The following STK3 variants were observed in gnomAD, a reference collection of about 807,000 sequenced individuals.
STK3 encodes serine/threonine-protein kinase 3.
A neutral mutation model predicts 58.0 loss-of-function variants in STK3; 41 were observed. The observed-to-expected ratio is 0.71, with a 90% CI of 0.55 to 0.92. STK3 has a LOEUF of 0.92. STK3 is among the 40% of genes least tolerant of loss of function. STK3 has a pLI of 0.00. For missense variants in STK3, 479 were observed against 602.7 expected (o/e 0.79, Z 2.15); for synonymous variants, 170 against 191.0 (o/e 0.89, Z 0.91).
the STK3 span, among the ~76,000 whole-genome samples, chr8:98,361,070 G>A: frequency 1.3e-5 from 2 of 152,126 alleles, no homozygotes; most frequent in African/African-American, 4.8e-5. Context: ...CACTCCTGTA[G>A]ACCCAAAACC....
intron 6 of STK3, among the ~76,000 whole-genome samples, chr8:98,614,135 TAGAC>T (rs776385476): frequency 8.5e-5 from 13 of 152,192 alleles, no homozygotes; most frequent in South Asian, 2.1e-4. Flanking sequence ...ATAAAACAAA[TAGAC>T]AGAAAATCAG....
At chr8:98,928,769 C>T (rs1839901393) in intron 1 of STK3, among the ~76,000 whole-genome samples, 1 of 152,140 alleles carries the variant, frequency 6.6e-6, no homozygotes, top group Non-Finnish European at 1.5e-5. Flanking sequence ...CTGATTCTCC[C>T]CAAAGGAAGC....
intron 1 of STK3, among the ~76,000 whole-genome samples, chr8:98,920,923 C>T (rs1005834556): frequency 6.6e-6 from 1 of 152,226 alleles, no homozygotes; most frequent in Non-Finnish European, 1.5e-5. Flanking sequence ...ACAAAAAAGC[C>T]TAATTGTAAT....
chr8:98,742,155 A>G (rs1472498662), intron 4 of STK3, among the ~76,000 whole-genome samples: 2 of 151,918 alleles, frequency 1.3e-5, no homozygotes, highest in Admixed American at 6.6e-5. Flanking sequence ...CAGAGGTACA[A>G]GGAGGAACTG....
intron 8 of STK3, among the ~76,000 whole-genome samples, chr8:98,550,790 T>C (rs912926218): frequency 7.2e-5 from 11 of 152,146 alleles, no homozygotes; most frequent in Admixed American, 7.2e-4. Context: ...CTCCAAAGAT[T>C]GATGATTAAA....
rs1840385852 is a variant in STK3, at chr8:98,940,724, C to T, written c.-79+1654G>A. Among the ~76,000 whole-genome samples the T allele has an allele frequency of 2.0e-5, 3 of 152,190 alleles. No homozygotes were observed. In the South Asian group the frequency reaches 6.2e-4, roughly 32 times the overall value. On this transcript the variant is annotated intron_variant, in intron 1 of 1. Transcript: ENST00000519420. Reference sequence around the variant, plus strand: ...GAATCTGCGCCGCCCCGCACGCGACCGCCTGCGAACTCCCTGCGCTGGGGT... The same window carrying T: ...GAATCTGCGCCGCCCCGCACGCGACTGCCTGCGAACTCCCTGCGCTGGGGT...
chr8:98,867,855 C>T (rs1837201608), intron 3 of STK3, among the ~76,000 whole-genome samples: 2 of 152,212 alleles, frequency 1.3e-5, no homozygotes, highest in South Asian at 4.1e-4. Flanking sequence ...AGGACAGTGC[C>T]AGGCCTATAA....
intron 3 of STK3, among the ~76,000 whole-genome samples, chr8:98,405,427 G>T (rs1010563872): frequency 6.6e-6 from 1 of 152,200 alleles, no homozygotes; most frequent in African/African-American, 2.4e-5. Flanking sequence ...GGTGGTGGTG[G>T]TAATATTGTT....
downstream of STK3, among the ~76,000 whole-genome samples, chr8:98,396,628 A>G (rs1056320972): frequency 3.9e-5 from 6 of 152,222 alleles, no homozygotes; most frequent in Non-Finnish European, 5.9e-5. Flanking sequence ...TGTTCTGCCA[A>G]TCCAGGCCTT....
chr8:98,708,503 A>G (rs891572953), intron 4 of STK3, among the ~76,000 whole-genome samples: 5 of 152,156 alleles, frequency 3.3e-5, no homozygotes, highest in African/African-American at 1.2e-4. Flanking sequence ...AGGAAAATGG[A>G]AACACAAGCA....
the STK3 span, among the ~76,000 whole-genome samples, chr8:98,349,757 C>T: frequency 6.6e-6 from 1 of 152,206 alleles, no homozygotes; most frequent in Non-Finnish European, 1.5e-5. Context: ...CCTCTGAAGC[C>T]ATGGCCTGAG....
chr8:98,514,368 TA>T (rs998978313), intron 10 of STK3, among the ~76,000 whole-genome samples: 18 of 152,212 alleles, frequency 1.2e-4, no homozygotes, highest in Admixed American at 5.9e-4. Context: ...GTATGTTTTT[TA>T]AAAAAAGTAA....
downstream of STK3, among the ~76,000 whole-genome samples, chr8:98,366,534 G>A (rs969589967): frequency 6.6e-6 from 1 of 152,204 alleles, no homozygotes; most frequent in African/African-American, 2.4e-5. Context: ...TGTGGTGTGA[G>A]GTAGGGATCT....
At chr8:98,607,738 G>T (rs1816885478) in intron 6 of STK3, among the ~76,000 whole-genome samples, 1 of 152,162 alleles carries the variant, frequency 6.6e-6, no homozygotes, top group Non-Finnish European at 1.5e-5. Context: ...TGATTATTCA[G>T]ATTTGGATAC....
chr8:98,729,259 G>A (rs1298666782), intron 4 of STK3, among the ~76,000 whole-genome samples: 1 of 152,038 alleles, frequency 6.6e-6, no homozygotes, highest in African/African-American at 2.4e-5. Flanking sequence ...ACAGGCGCAT[G>A]CCAACACACC....
Position 98,455,886 on chromosome 8 carries a change from G to C in STK3, c.1432C>G (p.Leu478Val). The change falls in exon 11 of 11, where the codon CTG (leucine) becomes GTG (valine). Residue 478 changes from leucine to valine, a missense_variant. Leu to Val is a conservative substitution (Grantham distance 32). This residue lies in a region of STK3 where 309 missense variants were observed against 355.7 expected (regional missense o/e 0.87). Coordinates refer to ENST00000419617, the MANE Select transcript of STK3 (RefSeq NM_006281.4). Reference protein sequence around the residue: ...QRYTAKRQPILDAMDAKKRRQ... With the variant: ...QRYTAKRQPIVDAMDAKKRRQ... ...CTTTTCTTTGCATCCATCGCATCCA[G>C]AATGGGCTGTCTTTTCGCAGTGTAT... The C allele has an allele frequency of 6.2e-7, 1 of 1,613,748 alleles. No homozygotes were observed. The highest frequency in any genetic ancestry group is 8.5e-7 in the Non-Finnish European group (1 of 1,179,826).
chr8:98,755,525 T>A (rs1160195066), intron 3 of STK3, among the ~76,000 whole-genome samples: 1 of 152,088 alleles, frequency 6.6e-6, no homozygotes, highest in African/African-American at 2.4e-5. Flanking sequence ...GGCACTGGAG[T>A]ATGTGAAAAA....
At chr8:98,668,691 T>C (rs1450645702) in intron 6 of STK3, among the ~76,000 whole-genome samples, 1 of 152,158 alleles carries the variant, frequency 6.6e-6, no homozygotes, top group Non-Finnish European at 1.5e-5. Flanking sequence ...TAAAACTTCC[T>C]TTACAGTTAG....
intron 10 of STK3, among the ~76,000 whole-genome samples, chr8:98,466,512 T>A (rs181733342): frequency 6.6e-6 from 1 of 152,292 alleles, no homozygotes; most frequent in Admixed American, 6.5e-5. Flanking sequence ...TAGCATGAGC[T>A]TGCACCAATT....
Sources: allele counts gnomAD v4.1 joint callset (sites outside exome capture counted in the v4.1 genomes callset), GRCh38; gene constraint gnomAD v4.1.1; regional missense constraint gnomAD v4.1.1; transcripts MANE v1.5; gene names NCBI Gene and HGNC (gene_info 2026-07-23, HGNC 2026-07-21).